The following APPL2 variants were observed in gnomAD, a reference collection of about 807,000 sequenced individuals.
APPL2 encodes DCC-interacting protein 13-beta.
A neutral mutation model predicts 92.7 loss-of-function variants in APPL2; 84 were observed. That is an observed-to-expected ratio of 0.91 (90% CI 0.76 to 1.09). APPL2 has a LOEUF of 1.09. Among genes scored for constraint, APPL2 ranks in the 50% least tolerant of loss-of-function variants. APPL2 has a pLI of 0.00. For missense variants in APPL2, 736 were observed against 824.5 expected (o/e 0.89, Z 1.31); for synonymous variants, 291 against 291.0 (o/e 1.00, Z 0.00).
chr12:105,220,297 T>C (rs1890006102), intron 2 of APPL2, among the ~76,000 whole-genome samples: 1 of 152,236 alleles, frequency 6.6e-6, no homozygotes, highest in South Asian at 2.1e-4. Flanking sequence ...GGGCCATATA[T>C]GGTCTTTGCC....
intron 5 of APPL2, among the ~76,000 whole-genome samples, chr12:105,209,684 A>G (rs1222036110): frequency 6.6e-6 from 1 of 152,234 alleles, no homozygotes; most frequent in Admixed American, 6.5e-5. Flanking sequence ...TAAGGCATTC[A>G]GTGAGGACAC....
chr12:105,184,065 T>G (rs796750882), intron 17 of APPL2, among the ~76,000 whole-genome samples: 1 of 152,230 alleles, frequency 6.6e-6, no homozygotes, highest in South Asian at 2.1e-4. Flanking sequence ...TTGATACTTG[T>G]GTATGCTTCA....
At chr12:105,235,902 A>T (rs1891198030) in intron 1 of APPL2, 57 bp downstream of exon 1, 4 of 1,214,810 alleles carry the variant, frequency 3.3e-6, no homozygotes, top group Non-Finnish European at 4.1e-6. Flanking sequence ...CCGGGGCTGG[A>T]GGGGCCTCCT....
intron 14 of APPL2, among the ~76,000 whole-genome samples, chr12:105,191,970 T>A (rs1887238023): frequency 6.6e-6 from 1 of 152,166 alleles, no homozygotes; most frequent in Non-Finnish European, 1.5e-5. Flanking sequence ...AGTCCCCGAT[T>A]CATACACCCA....
In APPL2 at chr12:105,173,695, G is replaced by A. The variant is rs1162980705; in HGVS notation, c.*619C>T. ...TCCACTGTAAAATCAAACATCTTTTGTGGTATTCATTTTTTTATTGCTTGA... is the reference window on the plus strand; with the variant it reads ...TCCACTGTAAAATCAAACATCTTTTATGGTATTCATTTTTTTATTGCTTGA... On this transcript the variant is annotated 3_prime_UTR_variant, in exon 21 of 21. Coordinates refer to ENST00000258530, the MANE Select transcript of APPL2 (RefSeq NM_018171.5). 6.6e-6 allele frequency: 1 copy of A among 152,532 alleles called. No homozygotes were observed. Among genetic ancestry groups the A allele is most frequent in the Non-Finnish European group, 1.5e-5 (1 of 68,056 alleles). 9.4% of individuals were successfully genotyped at this position (152,532 alleles called of 1,614,324 possible).
chr12:105,206,402 C>A (rs1486798461), intron 8 of APPL2, among the ~76,000 whole-genome samples: 1 of 152,146 alleles, frequency 6.6e-6, no homozygotes. Flanking sequence ...GGGGCAAACG[C>A]AGGATGGGGT....
Position 105,174,363 on chromosome 12 carries a change from T to C in APPL2, c.1946A>G (p.Asp649Gly), listed in dbSNP as rs572569432. The part of the protein sequence containing the change: ...KYVLLNDQPD[D>G]DDGNPNEHRG... ...ATGTTCGTTTGGATTTCCATCATCG[T>C]CATCTGGTTGATCGTTTAACAGTAC... The change falls in exon 21 of 21, where the codon GAC becomes GGC. Residue 649 changes from aspartate (D) to glycine (G), a missense_variant. Physicochemically the swap from Asp to Gly is moderately conservative, Grantham distance 94. Transcript: ENST00000258530. The C allele has an allele frequency of 3.0e-5, 49 of 1,614,056 alleles. No homozygotes were observed. The South Asian group carries it at 5.1e-4, about 17-fold the overall frequency.
intron 17 of APPL2, among the ~76,000 whole-genome samples, chr12:105,181,218 CAT>C (rs1462990499): frequency 6.6e-6 from 1 of 152,156 alleles, no homozygotes; most frequent in African/African-American, 2.4e-5. Flanking sequence ...TTGAGATAAT[CAT>C]GTGGTTTTTG....
At chr12:105,210,804 C>CA (rs1555254361) in intron 5 of APPL2, among the ~76,000 whole-genome samples, 2 of 152,004 alleles carry the variant, frequency 1.3e-5, no homozygotes, top group Non-Finnish European at 2.9e-5. Context: ...CTCCAAACCC[C>CA]GCTTTCCATT....
At chr12:105,220,567 T>G (rs1278275858) in intron 2 of APPL2, among the ~76,000 whole-genome samples, 1 of 152,152 alleles carries the variant, frequency 6.6e-6, no homozygotes, top group African/African-American at 2.4e-5. Context: ...TTCTTTATTT[T>G]AGTCAACTCT....
rs766105326 is a variant in APPL2 at position 105,195,167 on chromosome 12, C to A, written c.1241+94G>T. 3.2e-6 allele frequency: 4 copies of A among 1,255,476 alleles called. No homozygotes were observed. In the African/African-American group the frequency reaches 4.5e-5, roughly 14 times the overall value. 77.8% of individuals were successfully genotyped at this position (1,255,476 alleles called of 1,614,324 possible). ...TCTGTTAAACAGGCTGAAAAACATGCCTTGGTTTGTGTGGATTAAGCAACA... is the reference window on the plus strand; with the variant it reads ...TCTGTTAAACAGGCTGAAAAACATGACTTGGTTTGTGTGGATTAAGCAACA... On this transcript the variant is annotated intron_variant, in intron 14 of 20. Coordinates refer to ENST00000258530, the MANE Select transcript of APPL2 (RefSeq NM_018171.5).
chr12:105,181,903 CA>C (rs1192226865), intron 17 of APPL2, among the ~76,000 whole-genome samples: 1 of 152,072 alleles, frequency 6.6e-6, no homozygotes, highest in Non-Finnish European at 1.5e-5. Flanking sequence ...TTAATCTTTT[CA>C]AAAAACCAGC....
At chr12:105,208,444 T>C (rs1888940948) in intron 5 of APPL2, among the ~76,000 whole-genome samples, 1 of 152,068 alleles carries the variant, frequency 6.6e-6, no homozygotes, top group Non-Finnish European at 1.5e-5. Context: ...CACATAGCGC[T>C]GAGGGTCTGT....
chr12:105,207,664 T>C (rs1300888432), intron 7 of APPL2, among the ~76,000 whole-genome samples: 2 of 152,166 alleles, frequency 1.3e-5, no homozygotes, highest in Non-Finnish European at 1.5e-5. Context: ...GAGTCAACAC[T>C]TGGGGCAAGG....
At chr12:105,219,960 T>C (rs1889971599) in intron 2 of APPL2, among the ~76,000 whole-genome samples, 1 of 152,262 alleles carries the variant, frequency 6.6e-6, no homozygotes, top group African/African-American at 2.4e-5. Flanking sequence ...GCTTCATTCA[T>C]GCCAGACCCT....
In APPL2 at chr12:105,219,097, C is replaced by T. The variant is rs12578536; in HGVS notation, c.154-1372G>A. Among the ~76,000 whole-genome samples the T allele has an allele frequency of 9.4e-4, 143 of 152,350 alleles. 2 individuals carry two copies. In the East Asian group the frequency reaches 0.02, roughly 22 times the overall value. On this transcript the variant is annotated intron_variant, in intron 2 of 20. Coordinates refer to ENST00000258530, the MANE Select transcript of APPL2 (RefSeq NM_018171.5). The stretch of plus-strand genomic sequence containing the variant: ...TGACATGGCACAGATGATGGGAGGA[C>T]ACTGGCCTACCTCCTTGGCCTTGGC...
At chr12:105,216,953 T>G in intron 4 of APPL2, 116 bp downstream of exon 4, 11 of 679,190 alleles carry the variant, frequency 1.6e-5, no homozygotes, top group Non-Finnish European at 2.5e-5. Flanking sequence ...ATCAAGAAGT[T>G]GAGATACCTT....
chr12:105,215,945 T>G (rs1378724006), intron 4 of APPL2, among the ~76,000 whole-genome samples: 1 of 152,090 alleles, frequency 6.6e-6, no homozygotes, highest in African/African-American at 2.4e-5. Flanking sequence ...GAGAATGGTG[T>G]GAACCCGGGA....
chr12:105,192,872 T>C (rs137912750), intron 14 of APPL2, among the ~76,000 whole-genome samples: 308 of 152,364 alleles, frequency 2.0e-3, no homozygotes, highest in African/African-American at 7.1e-3. Context: ...AGCAGATATA[T>C]AGTAACTGCA....
Sources: allele counts gnomAD v4.1 joint callset (sites outside exome capture counted in the v4.1 genomes callset), GRCh38; gene constraint gnomAD v4.1.1; transcripts MANE v1.5; gene names NCBI Gene and HGNC (gene_info 2026-07-23, HGNC 2026-07-21).